IKBKB: variants seen among roughly 807,000 people sequenced by gnomAD.
The protein encoded by IKBKB is inhibitor of nuclear factor kappa B kinase subunit beta, also known as inhibitor of nuclear factor kappa-B kinase subunit beta.
In IKBKB, 42 loss-of-function variants were observed where a neutral mutation model predicts 113.6. That is an observed-to-expected ratio of 0.37 (90% CI 0.29 to 0.48). The LOEUF is 0.48. IKBKB is among the 20% of genes least tolerant of loss of function. The pLI is 0.99. For synonymous variants in IKBKB, 296 were observed against 361.3 expected, an observed-to-expected ratio of 0.82 and a Z score of 2.05; for missense variants, 673 against 939.7, an observed-to-expected ratio of 0.72 and a Z score of 3.71.
rs543318205 is a variant in IKBKB, at chr8:42,329,538, CATA to C, written c.2205+331_2205+333del. The C allele has an allele frequency of 4.0e-4, 350 of 871,690 alleles. No individual in the cohort carries two copies. The African/African-American group carries it at 5.9e-3, about 15-fold the overall frequency. 54.0% of individuals were successfully genotyped at this position (871,690 alleles called of 1,614,324 possible). A position where few individuals can be genotyped will look rare whatever the true frequency, so the allele number is the denominator to read the frequency against. ...TTTCTAGTACACATTTTTTATTATT[CATA>C]ATAATAGTGATGTCTAACAATTATT... On this transcript the variant is annotated intron_variant, in intron 21 of 21. Coordinates refer to ENST00000520810, the MANE Select transcript of IKBKB (RefSeq NM_001556.3).
intron 5 of IKBKB, among the ~76,000 whole-genome samples, chr8:42,303,530 G>C (rs953430160): frequency 6.6e-6 from 1 of 150,540 alleles, no homozygotes; most frequent in African/African-American, 2.4e-5. Flanking sequence ...TTTAGGTAGA[G>C]TCTTACTCTG....
At chr8:42,292,597 A>C (rs1043506123) in intron 4 of IKBKB, among the ~76,000 whole-genome samples, 4 of 152,198 alleles carry the variant, frequency 2.6e-5, no homozygotes, top group Non-Finnish European at 5.9e-5. Flanking sequence ...TTAAAAGTCT[A>C]CATGCTGGGT....
rs1292315684 is a variant in IKBKB at position 42,330,915 on chromosome 8, C to A, written c.2207C>A (p.Ala736Asp). The change falls in exon 22 of 22, where the codon GCC becomes GAC. Residue 736 changes from alanine to aspartate, a missense_variant and splice_region_variant. Ala to Asp is a moderately radical substitution (Grantham distance 126, BLOSUM62 -2). This residue lies in a region of IKBKB where 506 missense variants were observed against 638.7 expected (regional missense o/e 0.79). Transcript: ENST00000520810. ...TTTAACATGTCTGTTGACTTTCAGG[C>A]CCTAGACTGGAGCTGGTTACAGACG... is the stretch of plus-strand genomic sequence containing the variant. ...TVREQDQSFT[A>D]LDWSWLQTEE... 6.2e-7 allele frequency: 1 copy of A among 1,614,172 alleles called. No homozygotes were observed.
chr8:42,319,694 T>C (rs1489947780), intron 15 of IKBKB, 48 bp downstream of exon 15: 1 of 1,449,994 alleles, frequency 6.9e-7, no homozygotes, highest in East Asian at 2.3e-5. Context: ...GGGTGAGATT[T>C]TGTGCTCCCA....
chr8:42,317,973 C>T (rs910614499), intron 12 of IKBKB, among the ~76,000 whole-genome samples: 1 of 151,992 alleles, frequency 6.6e-6, no homozygotes, highest in Non-Finnish European at 1.5e-5. Flanking sequence ...TTAATTTCAA[C>T]CTCCTAGGAC....
intron 7 of IKBKB, among the ~76,000 whole-genome samples, chr8:42,307,981 C>T (rs1816874700): frequency 6.6e-6 from 1 of 152,240 alleles, no homozygotes; most frequent in African/African-American, 2.4e-5. Flanking sequence ...TCTGCACCCC[C>T]AGCACCCCGT....
chr8:42,318,836 C>A (rs1819213498), intron 13 of IKBKB, 161 bp downstream of exon 13: 5 of 670,460 alleles, frequency 7.5e-6, no homozygotes, highest in African/African-American at 1.8e-5. Flanking sequence ...GTGGGCTGGA[C>A]TGACGGAGGC....
chr8:42,304,801 G>A (rs1435091554), intron 5 of IKBKB, among the ~76,000 whole-genome samples: 1 of 152,228 alleles, frequency 6.6e-6, no homozygotes, highest in Non-Finnish European at 1.5e-5. Flanking sequence ...ATTGGCGTCA[G>A]CATCACCTGG....
chr8:42,318,474 G>A, intron 12 of IKBKB, 78 bp from the exon 13 acceptor site: 1 of 1,527,134 alleles, frequency 6.5e-7, no homozygotes, highest in Non-Finnish European at 9.0e-7. Flanking sequence ...TGCCAGTAGT[G>A]TCGAAGGCAG....
chr8:42,310,456 G>A (rs1817499986), intron 8 of IKBKB, among the ~76,000 whole-genome samples: 1 of 152,086 alleles, frequency 6.6e-6, no homozygotes, highest in African/African-American at 2.4e-5. Context: ...TTGTTTATTT[G>A]TACATTGATG....
chr8:42,308,397 A>T lies in IKBKB; in HGVS notation c.568-504A>T, dbSNP rs530884951. Among the ~76,000 whole-genome samples, 294 of 150,936 alleles carry T rather than the reference A, an allele frequency of 1.9e-3. 3 individuals carry two copies. In the Middle Eastern group the frequency reaches 0.024, roughly 12 times the overall value. On this transcript the variant is annotated intron_variant, in intron 7 of 21. Transcript: ENST00000520810. ...ACTGCAACCTCCACTTCCCAGGTTC[A>T]AGCGATTCTTGTGCCTCAGCCTCCT...
chr8:42,292,522 A>G (rs1247270513), intron 4 of IKBKB, among the ~76,000 whole-genome samples: 1 of 152,196 alleles, frequency 6.6e-6, no homozygotes, highest in Non-Finnish European at 1.5e-5. Flanking sequence ...GTTCAAATCT[A>G]TAATACACCC....
chr8:42,298,358 T>C (rs1278906400), intron 5 of IKBKB: 1 of 985,326 alleles, frequency 1.0e-6, no homozygotes, highest in Non-Finnish European at 1.2e-6. Context: ...CCCACCCCTC[T>C]GTTGCTGTCC....
At chr8:42,303,752 C>T (rs939046613) in intron 5 of IKBKB, among the ~76,000 whole-genome samples, 2 of 152,174 alleles carry the variant, frequency 1.3e-5, no homozygotes, top group African/African-American at 4.8e-5. Flanking sequence ...GGTGATTCGC[C>T]CACGTTGGCC....
chr8:42,280,855 A>AGGCAAAGCTTTCCACAGCTTT (rs1178616161), intron 2 of IKBKB, among the ~76,000 whole-genome samples: 1 of 152,172 alleles, frequency 6.6e-6, no homozygotes, highest in Non-Finnish European at 1.5e-5. Context: ...TTATGGGACA[A>AGGCAAAGCTTTCCACAGCTTT]GGCAAAGCTT....
At chr8:42,303,822 A>G (rs1250424901) in intron 5 of IKBKB, among the ~76,000 whole-genome samples, 2 of 152,132 alleles carry the variant, frequency 1.3e-5, no homozygotes, top group Non-Finnish European at 2.9e-5. Context: ...TTTCTTCTGC[A>G]TTGCTTTCTT....
At chr8:42,272,362 G>T in intron 2 of IKBKB, 157 bp downstream of exon 2, 2 of 895,076 alleles carry the variant, frequency 2.2e-6, no homozygotes, top group South Asian at 1.4e-5. Flanking sequence ...CAGGACTTCT[G>T]AGCTGACTCC....
At chr8:42,329,774 G>A in intron 21 of IKBKB, 1 of 985,392 alleles carries the variant, frequency 1.0e-6, no homozygotes, top group Non-Finnish European at 1.2e-6. Flanking sequence ...TTAGTGGTAG[G>A]TAGTACTAGT....
chr8:42,289,173 C>T (rs12115057), intron 3 of IKBKB, among the ~76,000 whole-genome samples: 17,780 of 152,098 alleles, frequency 0.12, 1,917 homozygotes, highest in African/African-American at 0.28. Context: ...CGAGATCAAG[C>T]CACTGCACTC....
Sources: allele counts gnomAD v4.1 joint callset (sites outside exome capture counted in the v4.1 genomes callset), GRCh38; gene constraint gnomAD v4.1.1; regional missense constraint gnomAD v4.1.1; transcripts MANE v1.5; gene names NCBI Gene and HGNC (gene_info 2026-07-23, HGNC 2026-07-21).